Variants in TMC1 observed in about 807,000 individuals in gnomAD.
TMC1 encodes the protein transmembrane channel like 1, also known as transmembrane channel-like protein 1.
A neutral mutation model predicts 105.8 loss-of-function variants in TMC1; 84 were observed. That is an observed-to-expected ratio of 0.79 (90% CI 0.67 to 0.95). The LOEUF (loss-of-function observed/expected upper bound fraction) is 0.95, where lower values mean the gene tolerates loss of function less well. Among genes scored for constraint, TMC1 ranks in the 40% least tolerant of loss-of-function variants. TMC1 has a pLI of 0.00. For synonymous variants in TMC1, 315 were observed against 311.5 expected (o/e 1.01, Z -0.12); for missense variants, 817 against 914.1 (o/e 0.89, Z 1.37).
At chr9:72,635,849 A>T (rs1205939781) in intron 4 of TMC1, among the ~76,000 whole-genome samples, 11 of 152,182 alleles carry the variant, frequency 7.2e-5, no homozygotes, top group African/African-American at 2.7e-4. Flanking sequence ...ACCTCACTGA[A>T]TGCTTGCCCT....
At chr9:72,816,309 G>A in intron 19 of TMC1, 99 bp downstream of exon 19, 1 of 1,179,094 alleles carries the variant, frequency 8.5e-7, no homozygotes, top group Non-Finnish European at 1.3e-6. Flanking sequence ...AATACAATCG[G>A]TGTCTAACTC....
At chr9:72,711,796 G>A (rs1826842816) in intron 8 of TMC1, among the ~76,000 whole-genome samples, 1 of 152,062 alleles carries the variant, frequency 6.6e-6, no homozygotes, top group Non-Finnish European at 1.5e-5. Context: ...GTAAATTTTG[G>A]CTTTTGTTGC....
At chr9:72,564,429 T>C (rs1200658031) in intron 1 of TMC1, among the ~76,000 whole-genome samples, 1 of 152,208 alleles carries the variant, frequency 6.6e-6, no homozygotes, top group Non-Finnish European at 1.5e-5. Flanking sequence ...TTTTAAAAGC[T>C]TTTCTCTTTT....
intron 1 of TMC1, among the ~76,000 whole-genome samples, chr9:72,527,620 T>C (rs1432570964): frequency 6.6e-6 from 1 of 152,194 alleles, no homozygotes; most frequent in Non-Finnish European, 1.5e-5. Context: ...CCAGCGCTAC[T>C]TTGCAGACGC....
At chr9:72,792,418 A>G in intron 17 of TMC1, 66 bp downstream of exon 17, 3 of 1,582,282 alleles carry the variant, frequency 1.9e-6, no homozygotes, top group South Asian at 2.2e-5. Flanking sequence ...TATCTCTTCC[A>G]TAAGATTGGC....
chr9:72,619,376 T>C (rs2132126034), intron 3 of TMC1, among the ~76,000 whole-genome samples: 1 of 152,316 alleles, frequency 6.6e-6, no homozygotes, highest in African/African-American at 2.4e-5. Flanking sequence ...AAGAGAAGTT[T>C]ATGATTTAGG....
At chr9:72,572,243 C>A (rs1824300213) in intron 1 of TMC1, among the ~76,000 whole-genome samples, 1 of 151,884 alleles carries the variant, frequency 6.6e-6, no homozygotes, top group South Asian at 2.1e-4. Context: ...GTCACCCAGG[C>A]TGGAGTGCAG....
intron 2 of TMC1, among the ~76,000 whole-genome samples, chr9:72,610,282 T>A (rs1209230935): frequency 6.6e-6 from 1 of 152,186 alleles, no homozygotes; most frequent in East Asian, 1.9e-4. Flanking sequence ...CAATAAAGTA[T>A]ACATTTATTA....
chr9:72,754,880 T>G lies in TMC1; in HGVS notation c.737T>G (p.Phe246Cys). Residue 246 changes from phenylalanine to cysteine, a missense_variant, in exon 12 of 24, where the codon TTC (phenylalanine) becomes TGC (cysteine). Coordinates refer to ENST00000297784, the MANE Select transcript of TMC1 (RefSeq NM_138691.3). ...SAANFGVLYD[F>C]NGLAQYSVLF... Reference sequence around the variant, plus strand: ...GCAAACTTTGGTGTGTTGTACGACTTCAATGTAAGTGTCTCCACACAAGTG... The same window carrying G: ...GCAAACTTTGGTGTGTTGTACGACTGCAATGTAAGTGTCTCCACACAAGTG... The G allele has an allele frequency of 6.2e-7, 1 of 1,611,790 alleles. No individual in the cohort carries two copies. The highest frequency in any genetic ancestry group is 8.5e-7 in the Non-Finnish European group (1 of 1,177,904).
At chr9:72,688,821 TC>T (rs746805550) in intron 6 of TMC1, 65 bp downstream of exon 6, 13 of 1,381,542 alleles carry the variant, frequency 9.4e-6, no homozygotes, top group Middle Eastern at 1.8e-4. Context: ...AAAGAATTTA[TC>T]CTCTTGTGGA....
At chr9:72,753,135 C>T (rs1827609407) in intron 11 of TMC1, among the ~76,000 whole-genome samples, 2 of 152,046 alleles carry the variant, frequency 1.3e-5, no homozygotes, top group South Asian at 4.1e-4. Context: ...GTTTTATAAT[C>T]CTTGAGATAA....
intron 1 of TMC1, among the ~76,000 whole-genome samples, chr9:72,546,956 C>G (rs1326667903): frequency 6.6e-6 from 1 of 152,140 alleles, no homozygotes; most frequent in Non-Finnish European, 1.5e-5. Flanking sequence ...GTTATACTTA[C>G]AATCTTCAGC....
intron 3 of TMC1, among the ~76,000 whole-genome samples, chr9:72,626,871 AT>A (rs1825356243): frequency 2.6e-5 from 4 of 152,056 alleles, no homozygotes; most frequent in South Asian, 4.1e-4. Context: ...TGTGTGTATA[AT>A]TTTTTTCTAC....
intron 11 of TMC1, among the ~76,000 whole-genome samples, chr9:72,752,711 G>A (rs985465182): frequency 6.6e-6 from 1 of 152,106 alleles, no homozygotes; most frequent in Non-Finnish European, 1.5e-5. Flanking sequence ...AACCTACAAA[G>A]GACCTTTTAG....
chr9:72,772,598 G>C, intron 13 of TMC1, 43 bp downstream of exon 13: 4 of 1,611,788 alleles, frequency 2.5e-6, no homozygotes, highest in Middle Eastern at 1.7e-4. Context: ...ATGATTTCTG[G>C]AATCAAATGG....
intron 1 of TMC1, among the ~76,000 whole-genome samples, chr9:72,565,521 T>C (rs561596396): frequency 1.3e-3 from 202 of 152,318 alleles, no homozygotes; most frequent in African/African-American, 4.5e-3. Context: ...TTTTTCTTAT[T>C]TTATAGGCTG....
intron 3 of TMC1, among the ~76,000 whole-genome samples, chr9:72,620,469 T>C (rs1825229180): frequency 6.6e-6 from 1 of 152,094 alleles, no homozygotes; most frequent in African/African-American, 2.4e-5. Flanking sequence ...CAGGCTGATC[T>C]TGAATGCCTG....
chr9:72,690,210 A>T (rs1176040522), intron 6 of TMC1, among the ~76,000 whole-genome samples: 2 of 152,066 alleles, frequency 1.3e-5, no homozygotes, highest in South Asian at 4.1e-4. Flanking sequence ...ATTTAACCTC[A>T]ATTGCATACT....
intron 1 of TMC1, among the ~76,000 whole-genome samples, chr9:72,561,312 C>T (rs189507974): frequency 0.013 from 1,279 of 101,660 alleles, 2 homozygotes; most frequent in Non-Finnish European, 0.016. Flanking sequence ...AGCGAGACTC[C>T]GTCTCAAAAA....
Sources: allele counts gnomAD v4.1 joint callset (sites outside exome capture counted in the v4.1 genomes callset), GRCh38; gene constraint gnomAD v4.1.1; transcripts MANE v1.5; gene names NCBI Gene and HGNC (gene_info 2026-07-23, HGNC 2026-07-21).